Variants in CNTN1 observed in about 807,000 individuals in gnomAD.
The protein encoded by CNTN1 is contactin-1.
Under a neutral mutation model 126.4 loss-of-function variants are expected in CNTN1, and 38 were observed. The ratio of observed to expected loss-of-function variants is 0.30; its 90% CI spans 0.23 to 0.39. The LOEUF (loss-of-function observed/expected upper bound fraction) is 0.39. Among genes scored for constraint, CNTN1 ranks in the 10% least tolerant of loss-of-function variants. The probability of loss-of-function intolerance (pLI) is 1.00; values close to 1 mark genes in which losing one functional copy is unlikely to be tolerated. For missense variants in CNTN1, 1,009 were observed against 1,248.4 expected (o/e 0.81, Z 2.89); for synonymous variants, 413 against 422.6 (o/e 0.98, Z 0.28).
At chr12:40,700,164 T>A (rs77117147) in intron 1 of CNTN1, among the ~76,000 whole-genome samples, 6,723 of 152,192 alleles carry the variant, frequency 0.044, 308 homozygotes, top group African/African-American at 0.12. Flanking sequence ...TTTGAAGTAT[T>A]TGCCTTTTAT....
chr12:40,809,733 T>C (rs866731381), intron 1 of CNTN1, among the ~76,000 whole-genome samples: 35 of 151,596 alleles, frequency 2.3e-4, no homozygotes, highest in Non-Finnish European at 4.0e-4. Context: ...GGAGAATTGC[T>C]TGAACCCGGG....
At chr12:40,961,811 T>A (rs1566044812) in intron 15 of CNTN1, among the ~76,000 whole-genome samples, 1 of 152,136 alleles carries the variant, frequency 6.6e-6, no homozygotes, top group Non-Finnish European at 1.5e-5. Context: ...TAGTTAAATC[T>A]AATAGCACAT....
intron 1 of CNTN1, among the ~76,000 whole-genome samples, chr12:40,835,837 C>T (rs1411993899): frequency 6.8e-6 from 1 of 146,868 alleles, no homozygotes; most frequent in Non-Finnish European, 1.5e-5. Context: ...CACACACACA[C>T]ACAAGTTGGA....
In CNTN1 at chr12:40,743,468, T is replaced by A. The variant is rs1049208172; in HGVS notation, c.-77+50876T>A. Among the ~76,000 whole-genome samples the A allele has an allele frequency of 5.3e-5, 8 of 152,212 alleles. No homozygotes were observed. In the South Asian group the frequency reaches 6.2e-4, roughly 12 times the overall value. ...ATGAAATTACTTATCTTTTTGTACA[T>A]CAGTTTTGTCAACAATATGGTGCTA... is the stretch of plus-strand genomic sequence containing the variant. On this transcript the variant is annotated intron_variant, in intron 1 of 23. Transcript: ENST00000551295.
chr12:40,937,021 A>C, intron 10 of CNTN1, 116 bp downstream of exon 10: 1 of 1,311,836 alleles, frequency 7.6e-7, no homozygotes, highest in Non-Finnish European at 1.1e-6. Context: ...TGGGCCCTGA[A>C]ATATAAAAGC....
Position 40,944,002 on chromosome 12 carries a change from G to C in CNTN1, c.1515G>C (p.Thr505=), listed in dbSNP as rs148905523. 1 of 1,613,058 alleles carries C rather than the reference G, an allele frequency of 6.2e-7. No homozygotes were observed. The highest frequency in any genetic ancestry group is 2.2e-5 in the East Asian group (1 of 44,848). ...STGTLVITDP[T]RIILAPINAD... is the part of the protein sequence containing the mutation. The stretch of plus-strand genomic sequence containing the variant: ...ACATTTAAAAATATATAGATCCTAC[G>C]CGAATTATATTGGCCCCAATTAATG... Residue 505 remains threonine (T), a synonymous_variant, in exon 14 of 24, where the codon ACG becomes ACC. Transcript: ENST00000551295.
intron 1 of CNTN1, among the ~76,000 whole-genome samples, chr12:40,831,484 G>C (rs138263791): frequency 3.9e-5 from 6 of 152,174 alleles, no homozygotes; most frequent in African/African-American, 1.2e-4. Flanking sequence ...TGATTGTTGG[G>C]AGATATCATC....
chr12:40,838,013 A>G (rs1358924845), intron 1 of CNTN1, among the ~76,000 whole-genome samples: 1 of 152,090 alleles, frequency 6.6e-6, no homozygotes, highest in Non-Finnish European at 1.5e-5. Flanking sequence ...TTCTCCCCGG[A>G]GCATTGCACC....
intron 3 of CNTN1, among the ~76,000 whole-genome samples, chr12:40,917,867 A>G (rs1945300320): frequency 1.3e-5 from 2 of 152,066 alleles, no homozygotes; most frequent in African/African-American, 4.8e-5. Context: ...TAAATTTTAA[A>G]CCAGTTGTTC....
At chr12:40,738,987 C>G (rs1378136946) in intron 1 of CNTN1, among the ~76,000 whole-genome samples, 1 of 151,964 alleles carries the variant, frequency 6.6e-6, no homozygotes, top group East Asian at 1.9e-4. Flanking sequence ...TGGAGAAGAA[C>G]AGTGGTTCTT....
intron 20 of CNTN1, among the ~76,000 whole-genome samples, chr12:41,021,138 G>A (rs549301446): frequency 3.3e-5 from 5 of 152,260 alleles, no homozygotes; most frequent in Admixed American, 1.3e-4. Context: ...AAAATTCAAA[G>A]GAATTAACAT....
At chr12:40,984,271 C>A (rs1267030024) in intron 16 of CNTN1, among the ~76,000 whole-genome samples, 1 of 152,022 alleles carries the variant, frequency 6.6e-6, no homozygotes, top group South Asian at 2.1e-4. Context: ...TACTTCTAAT[C>A]CTCCTCACTT....
chr12:40,978,001 C>T (rs1047966294), intron 15 of CNTN1, among the ~76,000 whole-genome samples: 1 of 151,992 alleles, frequency 6.6e-6, no homozygotes, highest in African/African-American at 2.4e-5. Context: ...TCCGGTTTCA[C>T]TATGTTGGCC....
intron 1 of CNTN1, among the ~76,000 whole-genome samples, chr12:40,708,201 T>C (rs1205507508): frequency 6.6e-6 from 1 of 152,172 alleles, no homozygotes; most frequent in Non-Finnish European, 1.5e-5. Context: ...AACTATTGGG[T>C]TTCTGGCAAG....
rs894972355 is a variant in CNTN1 at position 41,002,563 on chromosome 12, T to A, written c.2113+9294T>A. 6.7e-3 allele frequency among the ~76,000 whole-genome samples: 992 copies of A among 148,618 alleles called. 16 individuals are homozygous for A. The highest frequency in any genetic ancestry group is 0.023 in the African/African-American group (906 of 40,098). On this transcript the variant is annotated intron_variant, in intron 17 of 23. Transcript: ENST00000551295. ...TGAGACTATAGGGTTTCTTTCTTTTTTTTTTTTTTTTTGAGATGGAGTCTT... is the reference window on the plus strand; with the variant it reads ...TGAGACTATAGGGTTTCTTTCTTTTATTTTTTTTTTTTGAGATGGAGTCTT...
rs568431843 is a variant in CNTN1 at position 41,017,484 on chromosome 12, C to T, written c.2419+568C>T. Among the ~76,000 whole-genome samples, 220 of 151,146 alleles carry T rather than the reference C, an allele frequency of 1.5e-3. 1 individual carries two copies. Among genetic ancestry groups the T allele is most frequent in the Admixed American group, 6.5e-3 (98 of 15,182 alleles). ...AAAATGTGTTTAATTGCAGCATTTA[C>T]GTAACTTTTTATTACAATACAGAAC... On this transcript the variant is annotated intron_variant, in intron 19 of 23. Transcript: ENST00000551295.
intron 1 of CNTN1, among the ~76,000 whole-genome samples, chr12:40,778,810 A>G (rs1246015528): frequency 6.6e-6 from 1 of 151,850 alleles, no homozygotes; most frequent in Non-Finnish European, 1.5e-5. Context: ...TCATTAAAAT[A>G]TAATAGTGGG....
chr12:41,039,871 T>G lies in CNTN1; in HGVS notation c.2980+10652T>G, dbSNP rs141393729. Among the ~76,000 whole-genome samples, 600 of 152,278 alleles carry G rather than the reference T, an allele frequency of 3.9e-3. 6 individuals are homozygous for G. Among genetic ancestry groups the G allele is most frequent in the African/African-American group, 0.014 (578 of 41,568 alleles). On this transcript the variant is annotated intron_variant, in intron 23 of 23. Coordinates refer to ENST00000551295, the MANE Select transcript of CNTN1 (RefSeq NM_001843.4). ...AAATTGCTGAACAGAGTCAGTATTA[T>G]ATATTATGAATATTAGAATATTTTC...
In CNTN1 at chr12:40,936,920, G is replaced by A. The variant is rs761531005; in HGVS notation, c.1110+15G>A. On this transcript the variant is annotated intron_variant, in intron 10 of 23. Transcript: ENST00000551295. ...ATGGATATGCGGTATGTATGTTCAA[G>A]TGCTTTGCTGTTCCTGAGTCCCTGT... 9 of 1,612,280 alleles carry A rather than the reference G, an allele frequency of 5.6e-6. No individual in the cohort carries two copies. The East Asian group carries it at 1.6e-4, about 28-fold the overall frequency.
Sources: allele counts gnomAD v4.1 joint callset (sites outside exome capture counted in the v4.1 genomes callset), GRCh38; gene constraint gnomAD v4.1.1; transcripts MANE v1.5; gene names NCBI Gene and HGNC (gene_info 2026-07-23, HGNC 2026-07-21).